Variants in STXBP4 observed in about 807,000 individuals in gnomAD.
The protein encoded by STXBP4 is syntaxin binding protein 4.
In STXBP4, 55 loss-of-function variants were observed where a neutral mutation model predicts 76.1. That is an observed-to-expected ratio of 0.72 (90% CI 0.58 to 0.91). STXBP4 has a LOEUF of 0.91. Among genes scored for constraint, STXBP4 ranks in the 40% least tolerant of loss-of-function variants. The pLI, the probability that STXBP4 is intolerant of heterozygous loss-of-function variation, is 0.00. For missense variants in STXBP4, 618 were observed against 636.9 expected (o/e 0.97, Z 0.32); for synonymous variants, 201 against 220.2 (o/e 0.91, Z 0.77).
chr17:55,012,977 T>A (rs1052665210), intron 8 of STXBP4, among the ~76,000 whole-genome samples: 1 of 152,210 alleles, frequency 6.6e-6, no homozygotes, highest in African/African-American at 2.4e-5. Flanking sequence ...GCCTTTCAAG[T>A]AATAGAGCCT....
intron 14 of STXBP4, 47 bp from the exon 15 acceptor site, chr17:55,078,639 A>G: frequency 8.3e-7 from 1 of 1,204,578 alleles, no homozygotes; most frequent in Non-Finnish European, 1.2e-6. Context: ...TATTTTTTAA[A>G]AACTGTCAAA....
rs1389774476 is a variant in STXBP4, at chr17:55,163,314, C to A, written c.*3403C>A. The stretch of plus-strand genomic sequence containing the variant: ...TCATTAGGTTTTAGATTTCCTTTAG[C>A]AGCAGAGACTGACTTGCTGTATAGA... On this transcript the variant is annotated 3_prime_UTR_variant, in exon 18 of 18. Transcript: ENST00000376352. 1 of 150,488 alleles carries A rather than the reference C, an allele frequency of 6.6e-6. No individual in the cohort carries two copies. Among genetic ancestry groups the A allele is most frequent in the Non-Finnish European group, 1.5e-5 (1 of 67,840 alleles). The allele number at this position is 150,488 out of a possible 1,614,324, so 9.3% of individuals were successfully genotyped here.
At chr17:55,211,728 A>G in the STXBP4 span, among the ~76,000 whole-genome samples, 1 of 145,196 alleles carries the variant, frequency 6.9e-6, no homozygotes, top group South Asian at 2.2e-4. Flanking sequence ...TTCCCCACTG[A>G]TTTAATGTCC....
rs1243763346 is a variant in STXBP4 at position 55,166,987 on chromosome 17, G to C, written c.*7076G>C. ...GAGTAAATCAGGTGGAGGTGGGAAG[G>C]AAATGGGAAAACAGAATACTGGCCA... On this transcript the variant is annotated 3_prime_UTR_variant, in exon 18 of 18. Transcript: ENST00000376352. 6.6e-6 allele frequency: 1 copy of C among 152,200 alleles called. No individual in the cohort carries two copies. The highest frequency in any genetic ancestry group is 2.4e-5 in the African/African-American group (1 of 41,434). 9.4% of individuals were successfully genotyped at this position (152,200 alleles called of 1,614,324 possible). A position where few individuals can be genotyped will look rare whatever the true frequency, so the allele number is the denominator to read the frequency against.
rs74955815 is a variant in STXBP4, at chr17:55,096,612, C to CT, written c.1489+15443dup. 5.8e-3 allele frequency among the ~76,000 whole-genome samples: 781 copies of CT among 133,584 alleles called. 5 individuals carry two copies. The highest frequency in any genetic ancestry group is 0.015 in the African/African-American group (554 of 36,440). The allele number at this position is 133,584 out of a possible 152,430, so 87.6% of individuals were successfully genotyped here. On this transcript the variant is annotated intron_variant, in intron 16 of 17. Coordinates refer to ENST00000376352, the MANE Select transcript of STXBP4 (RefSeq NM_178509.6). ...TTTTTTATTGGAAACTTTCATATTG[C>CT]TTTTTTTTTTTTTTAAGAATAAGCA...
At position 55,078,671 on chromosome 17, in the gene STXBP4, CTTGT is replaced by C. The variant is rs1160602858; in HGVS notation, c.1306-9_1306-6del. 1 of 1,505,888 alleles carries C rather than the reference CTTGT, an allele frequency of 6.6e-7. No individual in the cohort carries two copies. Among genetic ancestry groups the C allele is most frequent in the African/African-American group, 1.4e-5 (1 of 72,422 alleles). The allele number at this position is 1,505,888 out of a possible 1,614,324, so 93.3% of individuals were successfully genotyped here. On this transcript the variant is annotated splice_polypyrimidine_tract_variant and intron_variant, in intron 14 of 17. Transcript: ENST00000376352. ...CAAACTGATATATCTCCTTCACCAT[CTTGT>C]TTGTTGCTAGGCTATTCAAGAAGTA...
chr17:55,200,310 T>A, the STXBP4 span, among the ~76,000 whole-genome samples: 1,612 of 152,334 alleles, frequency 0.011, 25 homozygotes, highest in African/African-American at 0.037. Flanking sequence ...TGCTTTGTAA[T>A]GGAACAGACA....
chr17:55,164,444 T>C lies in STXBP4; in HGVS notation c.*4533T>C, dbSNP rs2080364038. The stretch of plus-strand genomic sequence containing the variant: ...CACTCTACCCTGTTTATTTCTTTTT[T>C]TTTTTTTTTTTTTTTTTGAGACGGA... On this transcript the variant is annotated 3_prime_UTR_variant, in exon 18 of 18. Transcript: ENST00000376352. 1 of 123,154 alleles carries C rather than the reference T, an allele frequency of 8.1e-6. No individual in the cohort carries two copies. Among genetic ancestry groups the C allele is most frequent in the Non-Finnish European group, 1.7e-5 (1 of 59,128 alleles). 7.6% of individuals were successfully genotyped at this position (123,154 alleles called of 1,614,324 possible). A position where few individuals can be genotyped will look rare whatever the true frequency, so the allele number is the denominator to read the frequency against.
intron 16 of STXBP4, among the ~76,000 whole-genome samples, chr17:55,113,927 C>T (rs2079752079): frequency 6.6e-6 from 1 of 152,070 alleles, no homozygotes; most frequent in South Asian, 2.1e-4. Flanking sequence ...ACCTCTGCCT[C>T]CTACAATCAA....
chr17:55,047,494 A>C (rs1051395525), intron 12 of STXBP4, among the ~76,000 whole-genome samples: 4 of 147,122 alleles, frequency 2.7e-5, no homozygotes, highest in African/African-American at 1.0e-4. Context: ...TTTCTTTTTT[A>C]TTTTGTTACT....
the STXBP4 span, among the ~76,000 whole-genome samples, chr17:55,185,278 T>TCTTCTC: frequency 1.1e-5 from 1 of 89,052 alleles, no homozygotes; most frequent in African/African-American, 4.8e-5. Flanking sequence ...TCCTTCTCCT[T>TCTTCTC]CTCCTTCTCC....
intron 16 of STXBP4, among the ~76,000 whole-genome samples, chr17:55,125,278 C>G (rs574284350): frequency 7.9e-5 from 12 of 152,134 alleles, no homozygotes; most frequent in Middle Eastern, 6.8e-3. Context: ...ATGTTTTCCT[C>G]TAATTGACTC....
chr17:55,065,625 T>A (rs182701551), intron 12 of STXBP4, among the ~76,000 whole-genome samples: 2 of 152,230 alleles, frequency 1.3e-5, no homozygotes, highest in African/African-American at 4.8e-5. Context: ...AAGTAGCTTT[T>A]TTTTTTTCTA....
chr17:55,044,334 T>C (rs2078755763), intron 11 of STXBP4: 1 of 151,742 alleles, frequency 6.6e-6, no homozygotes. Context: ...AAATAAGGTA[T>C]AGTATATTGA....
chr17:55,107,214 C>T (rs139199410), intron 16 of STXBP4, among the ~76,000 whole-genome samples: 63 of 152,168 alleles, frequency 4.1e-4, no homozygotes, highest in African/African-American at 1.3e-3. Context: ...TCCTTTCTTC[C>T]GCTTTATCGA....
chr17:55,161,273 G>A lies in STXBP4; in HGVS notation c.*1362G>A, dbSNP rs2080334609. On this transcript the variant is annotated 3_prime_UTR_variant, in exon 18 of 18. Transcript: ENST00000376352. ...AATAATATAAAGTCAACTCCAGACT[G>A]ATAGGTAGTCATTAGCCATGAGAAA... The A allele has an allele frequency of 6.6e-6, 1 of 152,194 alleles. No individual in the cohort carries two copies. The highest frequency in any genetic ancestry group is 6.5e-5 in the Admixed American group (1 of 15,280). 9.4% of individuals were successfully genotyped at this position (152,194 alleles called of 1,614,324 possible). A position where few individuals can be genotyped will look rare whatever the true frequency, so the allele number is the denominator to read the frequency against.
chr17:55,138,852 T>G (rs2080063965), intron 16 of STXBP4, among the ~76,000 whole-genome samples: 1 of 152,078 alleles, frequency 6.6e-6, no homozygotes, highest in African/African-American at 2.4e-5. Context: ...GCTATTTGTG[T>G]TTTTAGTTTG....
intron 10 of STXBP4, among the ~76,000 whole-genome samples, chr17:55,035,602 T>C (rs2078587285): frequency 6.6e-6 from 1 of 151,936 alleles, no homozygotes; most frequent in African/African-American, 2.4e-5. Context: ...TAAAATTTTC[T>C]TCCATATTGA....
Position 55,166,248 on chromosome 17 carries a change from TTC to T in STXBP4, c.*6341_*6342del, listed in dbSNP as rs1173739930. ...GAACATTTCTTAAATATATTCCCTT[TTC>T]TCTGTTTCATGCAAACATGGCTTAT... On this transcript the variant is annotated 3_prime_UTR_variant, in exon 18 of 18. Coordinates refer to ENST00000376352, the MANE Select transcript of STXBP4 (RefSeq NM_178509.6). The T allele has an allele frequency of 6.6e-6, 1 of 152,226 alleles. No homozygotes were observed. The highest frequency in any genetic ancestry group is 2.4e-5 in the African/African-American group (1 of 41,458). 9.4% of individuals were successfully genotyped at this position (152,226 alleles called of 1,614,324 possible).
Sources: gnomAD v4.1 joint callset for allele counts (sites outside exome capture counted in the v4.1 genomes callset) on GRCh38, gnomAD v4.1.1 for gene constraint, MANE v1.5 for transcripts, NCBI Gene and HGNC (gene_info 2026-07-23, HGNC 2026-07-21) for gene names.